LGI2: variants seen among roughly 807,000 people sequenced by gnomAD.
LGI2 encodes the protein leucine-rich repeat LGI family member 2.
LGI2 carries 30 observed loss-of-function variants against 52.0 expected under a neutral mutation model. The observed-to-expected ratio is 0.58, with a 90% CI of 0.43 to 0.78. The LOEUF (loss-of-function observed/expected upper bound fraction) is 0.78, where lower values mean the gene tolerates loss of function less well. Among genes scored for constraint, LGI2 ranks in the 30% least tolerant of loss-of-function variants. The pLI is 0.00. For missense variants in LGI2, 573 were observed against 692.5 expected, an observed-to-expected ratio of 0.83 and a Z score of 1.94; for synonymous variants, 270 against 271.8, an observed-to-expected ratio of 0.99 and a Z score of 0.06.
At chr4:25,019,988 T>C (rs148726029) in intron 4 of LGI2, among the ~76,000 whole-genome samples, 8 of 152,298 alleles carry the variant, frequency 5.3e-5, no homozygotes, top group South Asian at 2.1e-4. Flanking sequence ...GCTGAATTGA[T>C]GTATTAAGCA....
chr4:24,992,965 A>G, the LGI2 span, among the ~76,000 whole-genome samples: 1 of 152,208 alleles, frequency 6.6e-6, no homozygotes, highest in Admixed American at 6.5e-5. Context: ...GGATAAGGGC[A>G]CAGCTTCTGG....
rs2109402970 is a variant in LGI2, at chr4:25,003,287, T to A, written c.*164A>T. 1.8e-6 allele frequency: 1 copy of A among 565,016 alleles called. No homozygotes were observed. Among genetic ancestry groups the A allele is most frequent in the Non-Finnish European group, 3.1e-6 (1 of 327,484 alleles). 35.0% of individuals were successfully genotyped at this position (565,016 alleles called of 1,614,324 possible). On this transcript the variant is annotated 3_prime_UTR_variant, in exon 8 of 8. Transcript: ENST00000382114. ...TCATGCAGTTAGCCAATAAATGCAA[T>A]CCCTGATTAAAATGTGAGTTCTAAA...
chr4:24,995,746 C>T (rs1725055706), downstream of LGI2, among the ~76,000 whole-genome samples: 2 of 152,088 alleles, frequency 1.3e-5, no homozygotes, highest in Admixed American at 1.3e-4. Context: ...GGGAGGGGCA[C>T]CAAATAATTT....
chr4:25,015,601 C>T lies in LGI2; in HGVS notation c.655+2388G>A, dbSNP rs189467597. Among the ~76,000 whole-genome samples, 342 of 152,302 alleles carry T rather than the reference C, an allele frequency of 2.2e-3. 6 individuals are homozygous for T. The highest frequency in any genetic ancestry group is 0.02 in the Admixed American group (309 of 15,290). ...AGTTGAAAAGGAAAACAATCATATT[C>T]AGAAAATGTGCTTCTTTCTAAACCT... On this transcript the variant is annotated intron_variant, in intron 6 of 7. Transcript: ENST00000382114.
intron 5 of LGI2, 66 bp downstream of exon 5, chr4:25,019,101 G>T (rs950839888): frequency 1.0e-6 from 1 of 963,484 alleles, no homozygotes. Flanking sequence ...AGGCGAGAGG[G>T]GATTGAAAGA....
chr4:25,019,293 T>G, intron 4 of LGI2, 55 bp from the exon 5 acceptor site: 1 of 1,125,732 alleles, frequency 8.9e-7, no homozygotes, highest in Non-Finnish European at 1.3e-6. Flanking sequence ...CCTGTCACTC[T>G]CAACTCCCTT....
At position 25,000,590 on chromosome 4, in the gene LGI2, C is replaced by T. The variant is rs1577541778; in HGVS notation, c.*2861G>A. On this transcript the variant is annotated 3_prime_UTR_variant, in exon 8 of 8. Transcript: ENST00000382114. ...TTCCCGACCCCATGGAGTATGGGGA[C>T]AAGCCCCCTTTAAGGAAAGGCCTTA... is the stretch of plus-strand genomic sequence containing the variant. The T allele has an allele frequency of 6.6e-6, 1 of 152,256 alleles. No individual in the cohort carries two copies. The highest frequency in any genetic ancestry group is 6.5e-5 in the Admixed American group (1 of 15,286). The allele number at this position is 152,256 out of a possible 1,614,324, so 9.4% of individuals were successfully genotyped here.
intron 7 of LGI2, among the ~76,000 whole-genome samples, chr4:25,008,715 G>A (rs757301863): frequency 5.3e-5 from 8 of 152,168 alleles, no homozygotes; most frequent in Non-Finnish European, 1.2e-4. Context: ...AGCTAGTAAG[G>A]GCTGGAGCCA....
chr4:25,007,717 C>T (rs998604006), intron 7 of LGI2, among the ~76,000 whole-genome samples: 2 of 151,992 alleles, frequency 1.3e-5, no homozygotes, highest in African/African-American at 4.8e-5. Context: ...CAAGATGAGA[C>T]GTAGAGAGAA....
At chr4:24,996,524 G>A (rs1305094524), downstream of LGI2, among the ~76,000 whole-genome samples, 3 of 152,220 alleles carry the variant, frequency 2.0e-5, no homozygotes, top group Non-Finnish European at 4.4e-5. Context: ...CAGGAGACGA[G>A]GAGAGAGTCA....
Position 25,007,789 on chromosome 4 carries a change from A to G in LGI2, c.821-3521T>C, listed in dbSNP as rs1725441257. On this transcript the variant is annotated intron_variant, in intron 7 of 7. Coordinates refer to ENST00000382114, the MANE Select transcript of LGI2 (RefSeq NM_018176.4). Reference sequence around the variant, plus strand: ...GGTTTCTCTCTCTCCCCTGGTGCACATGGACAGCTGGAGCCATCCCTTTGG... The same window carrying G: ...GGTTTCTCTCTCTCCCCTGGTGCACGTGGACAGCTGGAGCCATCCCTTTGG... Among the ~76,000 whole-genome samples the G allele has an allele frequency of 2.0e-5, 3 of 152,182 alleles. No homozygotes were observed. In the South Asian group the frequency reaches 6.2e-4, roughly 31 times the overall value.
At chr4:25,023,475 G>A (rs777753508) in intron 4 of LGI2, among the ~76,000 whole-genome samples, 93 of 152,210 alleles carry the variant, frequency 6.1e-4, no homozygotes, top group Admixed American at 3.3e-4. Context: ...CTCCTTACCC[G>A]ATAGGCTTTA....
chr4:25,030,204 T>C (rs10939029), intron 1 of LGI2, among the ~76,000 whole-genome samples: 101,868 of 152,172 alleles, frequency 0.67, 34,738 homozygotes, highest in South Asian at 0.75. Flanking sequence ...TCAGAGCAGC[T>C]GGATTCTGCA....
intron 5 of LGI2, 87 bp downstream of exon 5, chr4:25,019,080 G>A (rs1370606107): frequency 1.2e-6 from 1 of 817,292 alleles, no homozygotes; most frequent in African/African-American, 1.7e-5. Flanking sequence ...TAAAAGAAAT[G>A]CATAAAAGAA....
At position 25,000,178 on chromosome 4, in the gene LGI2, CT is replaced by C. The variant is rs1374926353; in HGVS notation, c.*3272del. The stretch of plus-strand genomic sequence containing the variant: ...TTCTGGCTATGCATATTTTATTGCA[CT>C]TTTTACTTTATCTCAAGGTGCTGCC... On this transcript the variant is annotated 3_prime_UTR_variant, in exon 8 of 8. Coordinates refer to ENST00000382114, the MANE Select transcript of LGI2 (RefSeq NM_018176.4). 6.2e-5 allele frequency: 11 copies of C among 177,990 alleles called. No homozygotes were observed. Among genetic ancestry groups the C allele is most frequent in the Non-Finnish European group, 1.2e-5 (1 of 84,470 alleles). 11.0% of individuals were successfully genotyped at this position (177,990 alleles called of 1,614,324 possible).
At chr4:25,010,238 C>G (rs568551072) in intron 7 of LGI2, among the ~76,000 whole-genome samples, 9 of 152,080 alleles carry the variant, frequency 5.9e-5, no homozygotes, top group African/African-American at 1.9e-4. Flanking sequence ...CGAGACTGCG[C>G]CACTGCACTC....
At chr4:24,992,633 A>G in the LGI2 span, among the ~76,000 whole-genome samples, 1 of 152,234 alleles carries the variant, frequency 6.6e-6, no homozygotes, top group African/African-American at 2.4e-5. Context: ...CAGTGAGCCA[A>G]GATCGTGCCA....
chr4:25,029,904 G>A (rs73250694), intron 1 of LGI2, among the ~76,000 whole-genome samples: 28,697 of 152,162 alleles, frequency 0.19, 2,786 homozygotes, highest in Middle Eastern at 0.26. Flanking sequence ...CCCTCCCAGA[G>A]CCTGCATGCC....
chr4:25,015,836 T>C (rs940455649), intron 6 of LGI2, among the ~76,000 whole-genome samples: 1 of 152,112 alleles, frequency 6.6e-6, no homozygotes, highest in East Asian at 1.9e-4. Flanking sequence ...GGGCCTATGT[T>C]TGGGGGTGGA....
Sources: allele counts gnomAD v4.1 joint callset (sites outside exome capture counted in the v4.1 genomes callset), GRCh38; gene constraint gnomAD v4.1.1; transcripts MANE v1.5; gene names NCBI Gene and HGNC (gene_info 2026-07-23, HGNC 2026-07-21).